INPP4B: variants seen among roughly 807,000 people sequenced by gnomAD.
The protein encoded by INPP4B is inositol polyphosphate-4-phosphatase type II B, also known as inositol polyphosphate 4-phosphatase type II.
A neutral mutation model predicts 122.5 loss-of-function variants in INPP4B; 55 were observed. The ratio of observed to expected loss-of-function variants is 0.45; its 90% confidence interval spans 0.36 to 0.56. The LOEUF (loss-of-function observed/expected upper bound fraction) is 0.56. Ranked by LOEUF, INPP4B falls within the 20% of genes least tolerant of loss-of-function variation. The probability of loss-of-function intolerance (pLI) is 0.00; values close to 1 mark genes in which losing one functional copy is unlikely to be tolerated. For synonymous variants in INPP4B, 403 were observed against 388.7 expected, an observed-to-expected ratio of 1.04 and a Z score of -0.43; for missense variants, 1,000 against 1,097.7, an observed-to-expected ratio of 0.91 and a Z score of 1.26.
At chr4:142,832,756 A>ACCCC (rs1437567691) in intron 1 of INPP4B, among the ~76,000 whole-genome samples, 1 of 144,206 alleles carries the variant, frequency 6.9e-6, no homozygotes, top group African/African-American at 2.9e-5. Context: ...CACAGTCTCT[A>ACCCC]CTCCCCCCCC....
intron 1 of INPP4B, among the ~76,000 whole-genome samples, chr4:142,794,873 A>G (rs1296092502): frequency 6.6e-6 from 1 of 151,996 alleles, no homozygotes; most frequent in African/African-American, 2.4e-5. Flanking sequence ...ATACATTCAT[A>G]CACTGTAAGC....
chr4:142,628,110 A>T (rs1441542299), intron 2 of INPP4B, among the ~76,000 whole-genome samples: 1 of 151,650 alleles, frequency 6.6e-6, no homozygotes, highest in African/African-American at 2.4e-5. Context: ...ACACATGCAC[A>T]CGTATGTTTA....
At chr4:142,255,454 A>T (rs1230639515) in intron 11 of INPP4B, among the ~76,000 whole-genome samples, 1 of 152,196 alleles carries the variant, frequency 6.6e-6, no homozygotes, top group African/African-American at 2.4e-5. Flanking sequence ...TGTATTCAGG[A>T]AACCCATCTC....
At chr4:142,188,518 A>AAAAAAAATAT in intron 15 of INPP4B, among the ~76,000 whole-genome samples, 1 of 105,096 alleles carries the variant, frequency 9.5e-6, no homozygotes, top group Non-Finnish European at 1.9e-5. Context: ...AAAGAAAAAA[A>AAAAAAAATAT]ATATATATAG....
At chr4:142,637,368 C>A (rs1399575900) in intron 2 of INPP4B, among the ~76,000 whole-genome samples, 1 of 152,188 alleles carries the variant, frequency 6.6e-6, no homozygotes, top group Non-Finnish European at 1.5e-5. Flanking sequence ...CCTGACCCTG[C>A]AAATCCTGTC....
chr4:142,085,380 C>T (rs996112745), intron 24 of INPP4B, among the ~76,000 whole-genome samples: 1 of 152,168 alleles, frequency 6.6e-6, no homozygotes, highest in Non-Finnish European at 1.5e-5. Flanking sequence ...AAACTGCAAA[C>T]ATGGCATTTA....
intron 7 of INPP4B, among the ~76,000 whole-genome samples, chr4:142,336,229 C>T (rs1182632711): frequency 6.6e-6 from 1 of 152,218 alleles, no homozygotes; most frequent in Non-Finnish European, 1.5e-5. Context: ...GGATATGAGA[C>T]AAGAGCCTGG....
chr4:142,550,507 C>T (rs1027075385), intron 2 of INPP4B, among the ~76,000 whole-genome samples: 1 of 151,800 alleles, frequency 6.6e-6, no homozygotes, highest in South Asian at 2.1e-4. Flanking sequence ...GATAAGGGAA[C>T]TTATCCAGAA....
At chr4:142,715,811 CTT>C (rs1260920644) in intron 2 of INPP4B, among the ~76,000 whole-genome samples, 1 of 152,174 alleles carries the variant, frequency 6.6e-6, no homozygotes, top group Non-Finnish European at 1.5e-5. Flanking sequence ...GGGGAGATAG[CTT>C]TTCTCTGTTT....
intron 1 of INPP4B, among the ~76,000 whole-genome samples, chr4:142,807,376 G>C (rs1269380653): frequency 1.3e-5 from 2 of 152,172 alleles, no homozygotes; most frequent in East Asian, 3.9e-4. Flanking sequence ...GTGTAAAGTA[G>C]CACAAAGATG....
At chr4:142,449,134 T>C (rs184119217) in intron 3 of INPP4B, among the ~76,000 whole-genome samples, 1 of 152,222 alleles carries the variant, frequency 6.6e-6, no homozygotes, top group East Asian at 1.9e-4. Flanking sequence ...ATGAGAGTTG[T>C]CAGGGCTCCA....
chr4:142,435,124 A>G (rs1015429182), intron 3 of INPP4B, among the ~76,000 whole-genome samples: 1 of 152,102 alleles, frequency 6.6e-6, no homozygotes, highest in Non-Finnish European at 1.5e-5. Context: ...CCCATGCCAC[A>G]TGGTCATGTG....
At chr4:142,395,869 G>A (rs536881898) in intron 7 of INPP4B, among the ~76,000 whole-genome samples, 1 of 152,100 alleles carries the variant, frequency 6.6e-6, no homozygotes, top group Non-Finnish European at 1.5e-5. Context: ...GAATCAGAGA[G>A]TAAAATTGTG....
intron 3 of INPP4B, among the ~76,000 whole-genome samples, chr4:142,460,939 C>T (rs1816610679): frequency 6.6e-6 from 1 of 151,388 alleles, no homozygotes; most frequent in Non-Finnish European, 1.5e-5. Context: ...AGCACTTTGG[C>T]AGGCCAAGAT....
At chr4:142,820,058 C>A (rs1377328965) in intron 1 of INPP4B, among the ~76,000 whole-genome samples, 2 of 152,076 alleles carry the variant, frequency 1.3e-5, no homozygotes, top group Admixed American at 6.6e-5. Flanking sequence ...AGGCTCTGCT[C>A]CTGAAAGTCC....
At chr4:142,332,108 G>T (rs1774757550) in intron 7 of INPP4B, among the ~76,000 whole-genome samples, 1 of 152,158 alleles carries the variant, frequency 6.6e-6, no homozygotes, top group Admixed American at 6.5e-5. Flanking sequence ...GCCTTCTTAA[G>T]AAAAGCTAAT....
chr4:142,565,225 G>A (rs1338816869), intron 2 of INPP4B, among the ~76,000 whole-genome samples: 3 of 152,106 alleles, frequency 2.0e-5, no homozygotes, highest in Non-Finnish European at 4.4e-5. Context: ...AGAAACAGCT[G>A]AATCCAGGGC....
At chr4:142,123,508 C>A in intron 19 of INPP4B, 93 bp from the exon 20 acceptor site, 2 of 1,262,806 alleles carry the variant, frequency 1.6e-6, no homozygotes, top group Non-Finnish European at 1.1e-6. Context: ...ATCACAGATT[C>A]GATTATCAGG....
intron 7 of INPP4B, among the ~76,000 whole-genome samples, chr4:142,354,109 C>A (rs1291504217): frequency 6.6e-6 from 1 of 151,888 alleles, no homozygotes; most frequent in Non-Finnish European, 1.5e-5. Flanking sequence ...CAGTCAGCTG[C>A]AAAGATCTCA....
Sources: gnomAD v4.1 joint callset for allele counts (sites outside exome capture counted in the v4.1 genomes callset) on GRCh38, gnomAD v4.1.1 for gene constraint, MANE v1.5 for transcripts, NCBI Gene and HGNC (gene_info 2026-07-23, HGNC 2026-07-21) for gene names.